Variants in LILRA2 observed in about 807,000 individuals in gnomAD.
LILRA2 encodes leukocyte immunoglobulin like receptor A2, also known as leukocyte immunoglobulin-like receptor subfamily A member 2.
Under a neutral mutation model 47.9 loss-of-function variants are expected in LILRA2, and 45 were observed. That is an observed-to-expected ratio of 0.94 (90% confidence interval 0.74 to 1.20). LILRA2 has a LOEUF of 1.20. Among genes scored for constraint, LILRA2 ranks in the 50% most tolerant of loss-of-function variants. The pLI is 0.00. For synonymous variants in LILRA2, 279 were observed against 249.2 expected, an observed-to-expected ratio of 1.12 and a Z score of -1.13; for missense variants, 651 against 598.2, an observed-to-expected ratio of 1.09 and a Z score of -0.92.
intron 6 of LILRA2, among the ~76,000 whole-genome samples, chr19:54,576,866 G>T (rs2062465664): frequency 6.6e-6 from 1 of 152,284 alleles, no homozygotes; most frequent in Non-Finnish European, 1.5e-5. Flanking sequence ...TGGAACTTCT[G>T]AAAGAGCCCA....
intron 6 of LILRA2, among the ~76,000 whole-genome samples, chr19:54,586,041 G>C (rs2062794535): frequency 6.6e-6 from 1 of 151,934 alleles, no homozygotes; most frequent in Non-Finnish European, 1.5e-5. Context: ...TTAATTTCTG[G>C]TACAATTTTA....
Position 54,588,989 on chromosome 19 carries a change from C to T in LILRA2, c.*1643C>T, listed in dbSNP as rs558625642. On this transcript the variant is annotated 3_prime_UTR_variant, in exon 8 of 8. Transcript: ENST00000391738. Reference sequence around the variant, plus strand: ...CTGATGGAAGAATTCTTAAATGACTCGTTCTACTTTCTGCTGGTCCAGGCA... The same window carrying T: ...CTGATGGAAGAATTCTTAAATGACTTGTTCTACTTTCTGCTGGTCCAGGCA... The T allele has an allele frequency of 3.3e-5, 5 of 152,180 alleles. No homozygotes were observed. In the East Asian group the frequency reaches 5.8e-4, roughly 18 times the overall value. 9.4% of individuals were successfully genotyped at this position (152,180 alleles called of 1,614,324 possible). A position where few individuals can be genotyped will look rare whatever the true frequency, so the allele number is the denominator to read the frequency against.
Position 54,587,055 on chromosome 19 carries a change from C to G in LILRA2, c.1301C>G (p.Thr434Arg). 6.2e-7 allele frequency: 1 copy of G among 1,613,376 alleles called. No homozygotes were observed. The highest frequency in any genetic ancestry group is 8.5e-7 in the Non-Finnish European group (1 of 1,179,448). The stretch of plus-strand genomic sequence containing the variant: ...CCATCACAAAACAAGACAGACTCCA[C>G]GACTAGTGAGTGAGGAGATGCTCTC... ...LSPSQNKTDS[T>R]TTSLGQHPQD... Residue 434 changes from threonine (T) to arginine (R), a missense_variant, in exon 7 of 8, where the codon ACG becomes AGG. By Grantham distance (71) the Thr-to-Arg change is moderately conservative. Coordinates refer to ENST00000391738, the MANE Select transcript of LILRA2 (RefSeq NM_001130917.3).
In LILRA2 at chr19:54,582,283, G is replaced by A. The variant is rs60363566; in HGVS notation, c.1256-4727G>A. ...AGGCTTTGGTATCAGGATGATGCTA[G>A]CCTCATAAAATGAGTTAGGGAGGAT... On this transcript the variant is annotated intron_variant, in intron 6 of 7. Transcript: ENST00000391738. 8.2e-3 allele frequency among the ~76,000 whole-genome samples: 1,249 copies of A among 152,324 alleles called. 14 individuals carry two copies. Among genetic ancestry groups the A allele is most frequent in the African/African-American group, 0.028 (1,184 of 41,566 alleles).
chr19:54,578,739 A>T (rs2062553411), intron 6 of LILRA2, among the ~76,000 whole-genome samples: 2 of 152,212 alleles, frequency 1.3e-5, no homozygotes, highest in African/African-American at 4.8e-5. Context: ...ACTCCCACCA[A>T]CAGTGTAAAA....
In LILRA2 at chr19:54,575,277, T is replaced by C; in HGVS notation, c.677T>C (p.Leu226Pro). Residue 226 changes from leucine to proline, a missense_variant, in exon 5 of 8, where the codon CTC (leucine) becomes CCC (proline). Physicochemically the swap from Leu to Pro is moderately conservative, Grantham distance 98. Transcript: ENST00000391738. ...LVPGVSKKPS[L>P]SVQPGPMVAP... ...CCAGGTGTTTCTAAGAAGCCATCACTCTCAGTGCAGCCAGGTCCTATGGTG... is the reference window on the plus strand; with the variant it reads ...CCAGGTGTTTCTAAGAAGCCATCACCCTCAGTGCAGCCAGGTCCTATGGTG... 6.2e-7 allele frequency: 1 copy of C among 1,612,822 alleles called. No individual in the cohort carries two copies.
intron 6 of LILRA2, among the ~76,000 whole-genome samples, chr19:54,582,611 C>T (rs1018750768): frequency 1.4e-4 from 22 of 152,146 alleles, no homozygotes; most frequent in African/African-American, 3.9e-4. Context: ...TCTGTGGAAT[C>T]GGTGGTGATA....
In LILRA2 at chr19:54,573,912, G is replaced by A. The variant is rs765040443; in HGVS notation, c.34G>A (p.Gly12Arg). ...TPILTVLICLGLSLGPRTHVQ... is the reference protein window; with the variant it reads ...TPILTVLICLRLSLGPRTHVQ... Reference sequence around the variant, plus strand: ...CATCCTCACGGTCCTGATCTGTCTCGGTGAGATTTGAAGAGGGAGGGGAGC... The same window carrying A: ...CATCCTCACGGTCCTGATCTGTCTCAGTGAGATTTGAAGAGGGAGGGGAGC... The change falls in exon 1 of 8, where the codon GGG becomes AGG. Residue 12 changes from glycine to arginine, a missense_variant and splice_region_variant. By Grantham distance (125) the Gly-to-Arg change is moderately radical (BLOSUM62 -2). Coordinates refer to ENST00000391738, the MANE Select transcript of LILRA2 (RefSeq NM_001130917.3). 5.3e-5 allele frequency: 85 copies of A among 1,614,028 alleles called. No individual in the cohort carries two copies. The highest frequency in any genetic ancestry group is 6.4e-5 in the Non-Finnish European group (75 of 1,180,010).
intron 6 of LILRA2, among the ~76,000 whole-genome samples, chr19:54,584,933 G>A (rs1239040348): frequency 1.3e-5 from 2 of 152,180 alleles, no homozygotes; most frequent in Non-Finnish European, 2.9e-5. Flanking sequence ...GGTCTTTGAT[G>A]TTGGTGACCT....
chr19:54,587,438 T>C lies in LILRA2; in HGVS notation c.*92T>C, dbSNP rs1458528528. 2 of 1,567,138 alleles carry C rather than the reference T, an allele frequency of 1.3e-6. No homozygotes were observed. Among genetic ancestry groups the C allele is most frequent in the Non-Finnish European group, 8.7e-7 (1 of 1,153,232 alleles). On this transcript the variant is annotated 3_prime_UTR_variant, in exon 8 of 8. Transcript: ENST00000391738. ...AGGCTCTGGAGGACAATCTAGGACC[T>C]ACATTATCTGGACTGTATGCTGGTC...
intron 6 of LILRA2, among the ~76,000 whole-genome samples, chr19:54,583,947 G>A (rs2062719988): frequency 5.3e-5 from 8 of 152,196 alleles, no homozygotes; most frequent in Admixed American, 5.2e-4. Flanking sequence ...TCCTTCAGGA[G>A]CTCTTTTAAG....
Position 54,575,336 on chromosome 19 carries a change from T to C in LILRA2, c.736T>C (p.Ser246Pro). 6.2e-7 allele frequency: 1 copy of C among 1,614,126 alleles called. No individual in the cohort carries two copies. The highest frequency in any genetic ancestry group is 8.5e-7 in the Non-Finnish European group (1 of 1,179,980). The change falls in exon 5 of 8, where the codon TCT (serine) becomes CCT (proline). Residue 246 changes from serine (S) to proline (P), a missense_variant. Physicochemically the swap from Ser to Pro is moderately conservative, Grantham distance 74. Coordinates refer to ENST00000391738, the MANE Select transcript of LILRA2 (RefSeq NM_001130917.3). ...PGESLTLQCVSDVGYDRFVLY... is the reference protein window; with the variant it reads ...PGESLTLQCVPDVGYDRFVLY... ...GGAGAGCCTGACCCTCCAGTGTGTC[T>C]CTGATGTCGGCTACGACAGATTTGT...
intron 6 of LILRA2, 79 bp downstream of exon 6, chr19:54,576,188 A>G: frequency 1.3e-6 from 2 of 1,592,378 alleles, no homozygotes; most frequent in Admixed American, 3.5e-5. Context: ...TGGGACAATA[A>G]TGAATGAGGG....
upstream of LILRA2, chr19:54,573,540 G>A (rs1399320179): frequency 1.2e-6 from 1 of 821,124 alleles, no homozygotes; most frequent in Non-Finnish European, 2.0e-6. Flanking sequence ...ACCCTCATCT[G>A]GAAGGGCAGA....
rs1423169974 is a variant in LILRA2, at chr19:54,576,884, T to C, written c.1255+775T>C. ...AACTTCTGAAAGAGCCCATTCCCCT[T>C]GCACCCTGGACTCCTCATCTGAATA... On this transcript the variant is annotated intron_variant, in intron 6 of 7. Coordinates refer to ENST00000391738, the MANE Select transcript of LILRA2 (RefSeq NM_001130917.3). Among the ~76,000 whole-genome samples the C allele has an allele frequency of 1.8e-3, 275 of 151,802 alleles. No homozygotes were observed. The South Asian group carries it at 0.039, about 21-fold the overall frequency.
chr19:54,575,635 G>A, intron 5 of LILRA2, 83 bp downstream of exon 5: 1 of 1,582,698 alleles, frequency 6.3e-7, no homozygotes, highest in South Asian at 1.1e-5. Flanking sequence ...TGGCCGGAAT[G>A]AGGGTTGGGG....
rs899228942 is a variant in LILRA2 at position 54,581,687 on chromosome 19, C to T, written c.1256-5323C>T. On this transcript the variant is annotated intron_variant, in intron 6 of 7. Coordinates refer to ENST00000391738, the MANE Select transcript of LILRA2 (RefSeq NM_001130917.3). ...AAGAGGACACAAACAAATGGAAGAACATTCCATGCTCATGGGTAAGAAGAA... is the reference window on the plus strand; with the variant it reads ...AAGAGGACACAAACAAATGGAAGAATATTCCATGCTCATGGGTAAGAAGAA... 2.0e-4 allele frequency among the ~76,000 whole-genome samples: 30 copies of T among 151,508 alleles called. 1 individual carries two copies. The highest frequency in any genetic ancestry group is 6.6e-4 in the African/African-American group (27 of 40,818).
chr19:54,579,290 G>T (rs1040066330), intron 6 of LILRA2, among the ~76,000 whole-genome samples: 1 of 152,174 alleles, frequency 6.6e-6, no homozygotes, highest in East Asian at 1.9e-4. Context: ...ATCGTATAGG[G>T]TGTAAGGAAG....
rs143835070 is a variant in LILRA2, at chr19:54,582,367, T to C, written c.1256-4643T>C. On this transcript the variant is annotated intron_variant, in intron 6 of 7. Transcript: ENST00000391738. ...AGAGAGTGGTACCAGCTCCTCTTTG[T>C]ACCTCTGGTAGAATTCGGCTGCGAA... Among the ~76,000 whole-genome samples the C allele has an allele frequency of 4.0e-3, 610 of 152,338 alleles. 1 individual carries two copies. The highest frequency in any genetic ancestry group is 6.1e-3 in the Non-Finnish European group (412 of 68,034).
Sources: allele counts gnomAD v4.1 joint callset (sites outside exome capture counted in the v4.1 genomes callset), GRCh38; gene constraint gnomAD v4.1.1; transcripts MANE v1.5; gene names NCBI Gene and HGNC (gene_info 2026-07-23, HGNC 2026-07-21).